The following PDE4B variants were observed in gnomAD, a reference collection of about 807,000 sequenced individuals.
The protein encoded by PDE4B is phosphodiesterase 4B.
A neutral mutation model predicts 82.2 loss-of-function variants in PDE4B; 20 were observed. That is an observed-to-expected ratio of 0.24 (90% CI 0.17 to 0.35). PDE4B has a LOEUF of 0.35. PDE4B is among the 10% of genes least tolerant of loss of function. The pLI is 1.00. For synonymous variants in PDE4B, 320 were observed against 318.9 expected (o/e 1.00, Z -0.04); for missense variants, 655 against 907.2 (o/e 0.72, Z 3.57).
intron 3 of PDE4B, among the ~76,000 whole-genome samples, chr1:65,984,708 T>C (rs1237248876): frequency 6.6e-6 from 1 of 152,124 alleles, no homozygotes; most frequent in Non-Finnish European, 1.5e-5. Context: ...TGAGCCGAGA[T>C]GGTGCCACTG....
At chr1:66,300,411 C>T (rs1466633653) in intron 7 of PDE4B, among the ~76,000 whole-genome samples, 2 of 152,116 alleles carry the variant, frequency 1.3e-5, no homozygotes, top group Non-Finnish European at 2.9e-5. Flanking sequence ...AGTGTGGCAC[C>T]TCCTTGCTCA....
At chr1:65,844,976 A>G (rs1375704685) in intron 1 of PDE4B, among the ~76,000 whole-genome samples, 2 of 152,206 alleles carry the variant, frequency 1.3e-5, no homozygotes, top group Non-Finnish European at 2.9e-5. Flanking sequence ...ATGAAGTGAT[A>G]ACTGTATGCC....
rs748382131 is a variant in PDE4B at position 66,332,431 on chromosome 1, C to T, written c.635-77C>T. 9 of 1,613,998 alleles carry T rather than the reference C, an allele frequency of 5.6e-6. No individual in the cohort carries two copies. In the African/African-American group the frequency reaches 1.1e-4, roughly 19 times the overall value. On this transcript the variant is annotated intron_variant, in intron 7 of 16. Transcript: ENST00000341517. The stretch of plus-strand genomic sequence containing the variant: ...GCACCTTCAGTAGCACCGGAATCAG[C>T]GGTGGTAGCGGTGACTCTGCTATGG...
rs571536968 is a variant in PDE4B, at chr1:66,045,746, TG to T, written c.281+126912del. On this transcript the variant is annotated intron_variant, in intron 3 of 16. Coordinates refer to ENST00000341517, the MANE Select transcript of PDE4B (RefSeq NM_002600.4). ...AGACGAGATTCAATCAAAGAAAAGATGTTCTTGAAAAGCAAATCTCCCACCA... is the reference window on the plus strand; with the variant it reads ...AGACGAGATTCAATCAAAGAAAAGATTTCTTGAAAAGCAAATCTCCCACCA... Among the ~76,000 whole-genome samples, 284 of 151,876 alleles carry T rather than the reference TG, an allele frequency of 1.9e-3. 3 individuals carry two copies. The South Asian group carries it at 0.03, about 16-fold the overall frequency.
At chr1:66,201,778 G>T (rs1172253902) in intron 3 of PDE4B, among the ~76,000 whole-genome samples, 1 of 151,510 alleles carries the variant, frequency 6.6e-6, no homozygotes, top group Non-Finnish European at 1.5e-5. Context: ...CAATTTTGTT[G>T]ATCCTTTCAA....
At chr1:66,354,826 T>C in intron 8 of PDE4B, 2 of 1,535,660 alleles carry the variant, frequency 1.3e-6, no homozygotes, top group Non-Finnish European at 1.7e-6. Context: ...TTGTGGATTG[T>C]GGCAAGGAGA....
chr1:65,992,316 G>T (rs973593136), intron 3 of PDE4B: 1 of 152,234 alleles, frequency 6.6e-6, no homozygotes, highest in African/African-American at 2.4e-5. Context: ...GGGGGAAACA[G>T]AGTGCAATTG....
intron 3 of PDE4B, among the ~76,000 whole-genome samples, chr1:66,050,065 C>T (rs1161389669): frequency 1.3e-5 from 2 of 151,924 alleles, no homozygotes; most frequent in East Asian, 3.8e-4. Context: ...TTCTTTGATT[C>T]AGAGATTCAG....
In PDE4B at chr1:66,204,571, C is replaced by A. The variant is rs1317794394; in HGVS notation, c.282-42889C>A. ...GGCAGGTGCCCCTCCCCCAGCCTCA[C>A]TGCCACCTTGCAGTCTGATCTCAGA... On this transcript the variant is annotated intron_variant, in intron 3 of 16. Transcript: ENST00000341517. 2.0e-5 allele frequency among the ~76,000 whole-genome samples: 3 copies of A among 152,368 alleles called. No individual in the cohort carries two copies. In the East Asian group the frequency reaches 5.8e-4, roughly 29 times the overall value.
intron 3 of PDE4B, among the ~76,000 whole-genome samples, chr1:66,137,307 T>C (rs551000): frequency 0.23 from 34,232 of 151,976 alleles, 4,712 homozygotes; most frequent in Non-Finnish European, 0.31. Flanking sequence ...AGTGAAGAGG[T>C]TAGGACTGAT....
chr1:65,929,273 G>A (rs1176322369), intron 3 of PDE4B, among the ~76,000 whole-genome samples: 2 of 152,188 alleles, frequency 1.3e-5, no homozygotes, highest in Non-Finnish European at 2.9e-5. Flanking sequence ...AAGGCTGATG[G>A]CAGCATGGGT....
At chr1:66,365,033 G>C (rs557960523) in intron 12 of PDE4B, among the ~76,000 whole-genome samples, 2 of 152,154 alleles carry the variant, frequency 1.3e-5, no homozygotes, top group African/African-American at 4.8e-5. Flanking sequence ...GTGCATGGGT[G>C]GGGGCAGAGA....
intron 8 of PDE4B, among the ~76,000 whole-genome samples, chr1:66,340,716 A>T (rs1660915165): frequency 6.6e-6 from 1 of 152,204 alleles, no homozygotes; most frequent in Non-Finnish European, 1.5e-5. Flanking sequence ...ATTTGAATAC[A>T]CATACTGGGA....
Position 66,118,509 on chromosome 1 carries a change from G to T in PDE4B, c.282-128951G>T, listed in dbSNP as rs1039772237. Among the ~76,000 whole-genome samples, 4 of 152,096 alleles carry T rather than the reference G, an allele frequency of 2.6e-5. No individual in the cohort carries two copies. The East Asian group carries it at 7.7e-4, about 29-fold the overall frequency. On this transcript the variant is annotated intron_variant, in intron 3 of 16. Coordinates refer to ENST00000341517, the MANE Select transcript of PDE4B (RefSeq NM_002600.4). ...CACCGCATGTTCTCACTCATAGGTG[G>T]GAATTGAACAATGAGAACACTTGGA...
chr1:65,838,580 TG>T (rs563696651), intron 1 of PDE4B, among the ~76,000 whole-genome samples: 1,602 of 148,194 alleles, frequency 0.011, 35 homozygotes, highest in African/African-American at 0.037. Context: ...TATGTATATG[TG>T]TATATATATG....
chr1:66,207,648 C>T (rs997331668), intron 3 of PDE4B, among the ~76,000 whole-genome samples: 2 of 152,044 alleles, frequency 1.3e-5, no homozygotes, highest in Admixed American at 1.3e-4. Context: ...TCATATGATA[C>T]ACAAAGGGGA....
At chr1:65,854,528 A>G (rs1178143575) in intron 1 of PDE4B, among the ~76,000 whole-genome samples, 2 of 151,560 alleles carry the variant, frequency 1.3e-5, no homozygotes, top group Non-Finnish European at 2.9e-5. Context: ...CTAGATTGTC[A>G]GTTTTTTCTT....
intron 3 of PDE4B, among the ~76,000 whole-genome samples, chr1:66,021,239 G>T (rs1653089702): frequency 6.6e-6 from 1 of 152,136 alleles, no homozygotes; most frequent in African/African-American, 2.4e-5. Flanking sequence ...TGAGTAGATT[G>T]CAAAAACTTT....
At chr1:65,958,123 T>A (rs1569815680) in intron 3 of PDE4B, among the ~76,000 whole-genome samples, 1 of 152,136 alleles carries the variant, frequency 6.6e-6, no homozygotes, top group Non-Finnish European at 1.5e-5. Context: ...AGGCTTTTTA[T>A]AGATGCATTT....
Sources: allele counts gnomAD v4.1 joint callset (sites outside exome capture counted in the v4.1 genomes callset), GRCh38; gene constraint gnomAD v4.1.1; transcripts MANE v1.5; gene names NCBI Gene and HGNC (gene_info 2026-07-23, HGNC 2026-07-21).